Variants in GNG7 observed in about 807,000 individuals in gnomAD.
The protein encoded by GNG7 is G protein subunit gamma 7.
In GNG7, 1 loss-of-function variant was observed where a neutral mutation model predicts 4.0. The ratio of observed to expected loss-of-function variants is 0.25; its 90% CI spans 0.09 to 1.18. The LOEUF is 1.18. GNG7 is among the 50% of genes most tolerant of loss of function. The pLI, the probability that GNG7 is intolerant of heterozygous loss-of-function variation, is 0.50. For synonymous variants in GNG7, 34 were observed against 36.9 expected (o/e 0.92, Z 0.29); for missense variants, 86 against 91.9 (o/e 0.94, Z 0.26).
chr19:2,629,602 C>A (rs1026427328), intron 2 of GNG7, among the ~76,000 whole-genome samples: 1 of 152,174 alleles, frequency 6.6e-6, no homozygotes, highest in African/African-American at 2.4e-5. Context: ...GTGGACAAGA[C>A]CTCACAGACT....
At chr19:2,661,284 A>AAGAGAGAGAGAGAG in intron 1 of GNG7, among the ~76,000 whole-genome samples, 1 of 56,436 alleles carries the variant, frequency 1.8e-5, no homozygotes, top group East Asian at 7.1e-4. Context: ...GAAAGAAAGA[A>AAGAGAGAGAGAGAG]AGAAAGAAAG....
intron 2 of GNG7, among the ~76,000 whole-genome samples, chr19:2,603,700 A>G (rs1263494394): frequency 6.6e-6 from 1 of 152,162 alleles, no homozygotes; most frequent in Admixed American, 6.5e-5. Context: ...GGATCATTTC[A>G]GTTCATTTTT....
At position 2,535,666 on chromosome 19, in the gene GNG7, G is replaced by A. The variant is rs79978332; in HGVS notation, c.-37-14941C>T. 3.0e-3 allele frequency among the ~76,000 whole-genome samples: 461 copies of A among 152,120 alleles called. 6 individuals are homozygous for A. The highest frequency in any genetic ancestry group is 0.01 in the African/African-American group (423 of 41,500). Reference sequence around the variant, plus strand: ...GTGACATATTCCTTCTTTATGATGCGGGCTTCAAATGTTATTTCTTTTTGG... The same window carrying A: ...GTGACATATTCCTTCTTTATGATGCAGGCTTCAAATGTTATTTCTTTTTGG... On this transcript the variant is annotated intron_variant, in intron 3 of 4. Transcript: ENST00000382159.
chr19:2,575,472 C>CACACGCAGGCACATGCAG, intron 2 of GNG7, among the ~76,000 whole-genome samples: 1 of 152,026 alleles, frequency 6.6e-6, no homozygotes, highest in African/African-American at 2.4e-5. Flanking sequence ...GACACGCAGG[C>CACACGCAGGCACATGCAG]ACACGCAGGC....
chr19:2,555,861 A>G (rs900596372), intron 2 of GNG7, among the ~76,000 whole-genome samples: 7 of 152,064 alleles, frequency 4.6e-5, no homozygotes, highest in African/African-American at 1.7e-4. Context: ...GACCCTGCAC[A>G]GGGCCAGGCC....
At chr19:2,648,161 G>A (rs141902855) in intron 1 of GNG7, among the ~76,000 whole-genome samples, 120 of 152,012 alleles carry the variant, frequency 7.9e-4, no homozygotes, top group Middle Eastern at 3.4e-3. Flanking sequence ...TACCCACATG[G>A]GCTTCTTGGT....
rs185734234 is a variant in GNG7 at position 2,586,437 on chromosome 19, G to A, written c.-77-31249C>T. 2.3e-4 allele frequency among the ~76,000 whole-genome samples: 35 copies of A among 152,298 alleles called. No individual in the cohort carries two copies. The East Asian group carries it at 5.2e-3, about 23-fold the overall frequency. ...GCAAATGGGGAATCTGGGATGGCGC[G>A]TCTGGCTTGGGGGGCTGGGAGCCAG... On this transcript the variant is annotated intron_variant, in intron 2 of 4. Transcript: ENST00000382159.
At chr19:2,602,972 T>TTCTC (rs928614256) in intron 2 of GNG7, among the ~76,000 whole-genome samples, 6 of 147,936 alleles carry the variant, frequency 4.1e-5, no homozygotes, top group Admixed American at 6.6e-5. Context: ...CTTTCTTTCT[T>TTCTC]TCTCTCTCTC....
chr19:2,512,480 G>T lies in GNG7; in HGVS notation c.*2542C>A. On this transcript the variant is annotated 3_prime_UTR_variant, in exon 5 of 5. Transcript: ENST00000382159. This position sits in a 1 kb window ranked among gnomAD's most constrained non-coding sequence, Gnocchi z 4.7. ...GTCTGGACAGCTCAGGGAACCCAAG[G>T]CCCTGTGGACAGTGAAGGAGAGGCC... The T allele has an allele frequency of 3.7e-6, 2 of 543,954 alleles. No homozygotes were observed. Among genetic ancestry groups the T allele is most frequent in the South Asian group, 8.0e-5 (1 of 12,534 alleles). 33.7% of individuals were successfully genotyped at this position (543,954 alleles called of 1,614,324 possible).
chr19:2,514,704 C>A lies in GNG7; in HGVS notation c.*318G>T. 1 of 201,080 alleles carries A rather than the reference C, an allele frequency of 5.0e-6. No homozygotes were observed. The highest frequency in any genetic ancestry group is 1.0e-5 in the Non-Finnish European group (1 of 98,384). The allele number at this position is 201,080 out of a possible 1,614,324, so 12.5% of individuals were successfully genotyped here. ...TCGAGAGTTTTAAAAAATTGTTACCCCATCGCTGGGGGATTTCAGTTATTC... is the reference window on the plus strand; with the variant it reads ...TCGAGAGTTTTAAAAAATTGTTACCACATCGCTGGGGGATTTCAGTTATTC... On this transcript the variant is annotated 3_prime_UTR_variant, in exon 5 of 5. Transcript: ENST00000382159.
rs10411654 is a variant in GNG7 at position 2,552,856 on chromosome 19, C to A, written c.-38+2293G>T. 8.9e-5 allele frequency among the ~76,000 whole-genome samples: 12 copies of A among 134,222 alleles called. 1 individual carries two copies. Among genetic ancestry groups the A allele is most frequent in the Non-Finnish European group, 1.7e-4 (10 of 60,518 alleles). 88.1% of individuals were successfully genotyped at this position (134,222 alleles called of 152,430 possible). ...CAAACCATCCTCCCGGCTCCACCCC[C>A]CCCACCTCCCCACTGTCTGTGGAAA... is the stretch of plus-strand genomic sequence containing the variant. On this transcript the variant is annotated intron_variant, in intron 3 of 4. Coordinates refer to ENST00000382159, the MANE Select transcript of GNG7 (RefSeq NM_052847.3).
intron 2 of GNG7, among the ~76,000 whole-genome samples, chr19:2,577,195 G>A (rs1003898345): frequency 2.6e-5 from 4 of 152,274 alleles, no homozygotes; most frequent in East Asian, 1.9e-4. Context: ...AGTACGTCAC[G>A]GTTTGTGGGG....
chr19:2,681,210 G>T (rs1427978429), intron 1 of GNG7, among the ~76,000 whole-genome samples: 1 of 151,490 alleles, frequency 6.6e-6, no homozygotes, highest in Non-Finnish European at 1.5e-5. Context: ...TTGAGACGGA[G>T]TCTTGCTCTG....
chr19:2,604,097 G>A (rs1270571127), intron 2 of GNG7, among the ~76,000 whole-genome samples: 4 of 151,982 alleles, frequency 2.6e-5, no homozygotes, highest in Middle Eastern at 3.4e-3. Flanking sequence ...TGATCCACCC[G>A]CCTCGGCCCC....
At chr19:2,517,932 C>T (rs1053618067) in intron 4 of GNG7, among the ~76,000 whole-genome samples, 1 of 152,186 alleles carries the variant, frequency 6.6e-6, no homozygotes, top group African/African-American at 2.4e-5. Flanking sequence ...GCTGGGCAGC[C>T]GGGGGACGCT....
intron 4 of GNG7, among the ~76,000 whole-genome samples, chr19:2,518,174 TCGC>T (rs1299764286): frequency 6.6e-6 from 1 of 152,080 alleles, no homozygotes; most frequent in Non-Finnish European, 1.5e-5. Context: ...GTGGTTCTGG[TCGC>T]CGCGTTGGAG....
intron 2 of GNG7, among the ~76,000 whole-genome samples, chr19:2,570,325 ACTT>A: frequency 6.6e-6 from 1 of 152,196 alleles, no homozygotes; most frequent in African/African-American, 2.4e-5. Context: ...AACCAGATAA[ACTT>A]CTATGCTTTA....
At chr19:2,663,130 T>C (rs1032675279) in intron 1 of GNG7, among the ~76,000 whole-genome samples, 23 of 152,186 alleles carry the variant, frequency 1.5e-4, no homozygotes, top group Admixed American at 7.2e-4. Context: ...AACTGGTACA[T>C]CTGCAAAGGG....
At chr19:2,545,401 A>C (rs1568237984) in intron 3 of GNG7, among the ~76,000 whole-genome samples, 1 of 151,888 alleles carries the variant, frequency 6.6e-6, no homozygotes, top group Non-Finnish European at 1.5e-5. Flanking sequence ...TATTTCCAGC[A>C]CTTTGGGAGA....
Sources: gnomAD v4.1 joint callset for allele counts (sites outside exome capture counted in the v4.1 genomes callset) on GRCh38, gnomAD v4.1.1 for gene constraint, Gnocchi (gnomAD v3.1) non-coding constraint, MANE v1.5 for transcripts, NCBI Gene and HGNC (gene_info 2026-07-23, HGNC 2026-07-21) for gene names.